CHLSN: variants seen among roughly 807,000 people sequenced by gnomAD.
The protein encoded by CHLSN is cholesin.
At chr7:1,034,970 G>C in the CHLSN span, among the ~76,000 whole-genome samples, 1 of 152,236 alleles carries the variant, frequency 6.6e-6, no homozygotes, top group African/African-American at 2.4e-5. Context: ...CAGAAGACAT[G>C]ATCTCACTCT....
the CHLSN span, among the ~76,000 whole-genome samples, chr7:1,041,314 C>T: frequency 8.3e-6 from 1 of 120,334 alleles, no homozygotes; most frequent in African/African-American, 3.3e-5. Flanking sequence ...CTGGGGTCCG[C>T]GCTGCGGGGA....
the CHLSN span, chr7:1,127,197 C>T: frequency 6.5e-7 from 1 of 1,530,160 alleles, no homozygotes; most frequent in East Asian, 2.3e-5. Flanking sequence ...CCCTCTCCCT[C>T]CAGATCAGAT....
chr7:1,054,459 C>T, the CHLSN span, among the ~76,000 whole-genome samples: 3 of 152,330 alleles, frequency 2.0e-5, no homozygotes, highest in Admixed American at 2.0e-4. Flanking sequence ...TCCCAGGTCC[C>T]GGCTGGGGTG....
At chr7:1,113,416 C>T in the CHLSN span, among the ~76,000 whole-genome samples, 1 of 152,198 alleles carries the variant, frequency 6.6e-6, no homozygotes, top group Admixed American at 6.5e-5. Context: ...CTGTTCTCTG[C>T]AGGCTGGTGC....
chr7:1,068,939 C>T, the CHLSN span, among the ~76,000 whole-genome samples: 34 of 152,242 alleles, frequency 2.2e-4, no homozygotes, highest in Non-Finnish European at 4.3e-4. Context: ...TGTGAGGAAC[C>T]GGGGGAGGGG....
At chr7:1,133,729 G>A in the CHLSN span, among the ~76,000 whole-genome samples, 2 of 147,570 alleles carry the variant, frequency 1.4e-5, no homozygotes, top group Non-Finnish European at 3.0e-5. Flanking sequence ...ACTCCAGCCT[G>A]GGCGAGAATG....
the CHLSN span, chr7:983,485 A>G: frequency 1.6e-6 from 2 of 1,231,888 alleles, no homozygotes; most frequent in African/African-American, 3.1e-5. Flanking sequence ...GCCTGTTCCC[A>G]CATGGTGCCG....
the CHLSN span, chr7:983,090 C>T: frequency 2.7e-5 from 23 of 851,174 alleles, no homozygotes; most frequent in South Asian, 5.6e-4. Context: ...GCAAACTGCT[C>T]GTTCCACATT....
chr7:985,220 C>T, the CHLSN span: 92 of 1,555,032 alleles, frequency 5.9e-5, no homozygotes, highest in Non-Finnish European at 7.4e-5. Context: ...ATCACCTTCG[C>T]GCTCCTCTTC....
chr7:1,055,164 T>A, the CHLSN span: 1 of 457,486 alleles, frequency 2.2e-6, no homozygotes, highest in Non-Finnish European at 4.5e-6. Context: ...CAGTTTGCAG[T>A]GCGGTCCCGT....
the CHLSN span, chr7:997,837 C>T: frequency 1.4e-5 from 18 of 1,267,218 alleles, no homozygotes; most frequent in African/African-American, 3.0e-5. Flanking sequence ...TGGTCAGGGG[C>T]GGGGCAGGGA....
the CHLSN span, among the ~76,000 whole-genome samples, chr7:1,071,968 C>T: frequency 6.6e-6 from 1 of 152,234 alleles, no homozygotes; most frequent in Admixed American, 6.5e-5. Flanking sequence ...GGGGAGGCTG[C>T]AGGACAGAGC....
the CHLSN span, among the ~76,000 whole-genome samples, chr7:978,763 G>A: frequency 3.9e-5 from 6 of 152,246 alleles, no homozygotes; most frequent in South Asian, 2.1e-4. Context: ...CCGTGTTCGC[G>A]TTATCTGCCG....
chr7:1,006,352 A>G, the CHLSN span, among the ~76,000 whole-genome samples: 4 of 150,956 alleles, frequency 2.6e-5, no homozygotes, highest in East Asian at 2.0e-4. Context: ...GTCACAGCAC[A>G]GGGAAAGAGC....
chr7:1,036,164 C>T, the CHLSN span, among the ~76,000 whole-genome samples: 3 of 152,156 alleles, frequency 2.0e-5, no homozygotes, highest in African/African-American at 7.2e-5. Context: ...GAAGCTGCTG[C>T]GTGTGGTGCT....
At chr7:1,118,851 G>C in the CHLSN span, among the ~76,000 whole-genome samples, 1 of 134,344 alleles carries the variant, frequency 7.4e-6, no homozygotes, top group African/African-American at 2.9e-5. Flanking sequence ...AGATATTAAA[G>C]CATATTTTTT....
the CHLSN span, among the ~76,000 whole-genome samples, chr7:1,060,421 T>C: frequency 6.6e-6 from 1 of 152,170 alleles, no homozygotes; most frequent in African/African-American, 2.4e-5. Context: ...CCCGGGGTTC[T>C]GTGGCACACT....
chr7:1,106,292 G>T, the CHLSN span, among the ~76,000 whole-genome samples: 1 of 152,200 alleles, frequency 6.6e-6, no homozygotes, highest in Non-Finnish European at 1.5e-5. Flanking sequence ...AGACTCAAGG[G>T]TGTGTGTGTC....
the CHLSN span, among the ~76,000 whole-genome samples, chr7:1,060,466 G>A: frequency 2.4e-4 from 37 of 152,334 alleles, no homozygotes; most frequent in African/African-American, 8.9e-4. Flanking sequence ...GGAATTCTGA[G>A]TATGCCCGGC....
Sources: allele counts gnomAD v4.1 joint callset (sites outside exome capture counted in the v4.1 genomes callset), GRCh38; gene constraint gnomAD v4.1.1; transcripts MANE v1.5; gene names NCBI Gene and HGNC (gene_info 2026-07-23, HGNC 2026-07-21).